The following PID1 variants were observed in gnomAD, a reference collection of about 807,000 sequenced individuals.
The protein encoded by PID1 is phosphotyrosine interaction domain containing 1, also known as PTB-containing, cubilin and LRP1-interacting protein.
A neutral mutation model predicts 19.1 loss-of-function variants in PID1; 10 were observed. That is an observed-to-expected ratio of 0.52 (90% CI 0.32 to 0.89). The LOEUF (loss-of-function observed/expected upper bound fraction) is 0.89. Among genes scored for constraint, PID1 ranks in the 40% least tolerant of loss-of-function variants. The pLI is 0.03. For missense variants in PID1, 248 were observed against 285.3 expected, an observed-to-expected ratio of 0.87 and a Z score of 0.94; for synonymous variants, 130 against 116.0, an observed-to-expected ratio of 1.12 and a Z score of -0.78.
At chr2:229,099,100 T>C (rs1004155425) in intron 2 of PID1, among the ~76,000 whole-genome samples, 1 of 152,130 alleles carries the variant, frequency 6.6e-6, no homozygotes, top group Non-Finnish European at 1.5e-5. Context: ...TCCCAACAAT[T>C]TTTGTGTCTT....
chr2:229,110,374 C>T (rs1695273367), intron 2 of PID1, among the ~76,000 whole-genome samples: 1 of 152,074 alleles, frequency 6.6e-6, no homozygotes, highest in African/African-American at 2.4e-5. Context: ...AGTTCCAAGA[C>T]AAGAGTCCTA....
chr2:229,103,133 T>C (rs1695106900), intron 2 of PID1, among the ~76,000 whole-genome samples: 1 of 152,176 alleles, frequency 6.6e-6, no homozygotes, highest in Non-Finnish European at 1.5e-5. Context: ...ATTTCTATTT[T>C]TTAAAAAGTC....
At chr2:229,146,528 T>TGA (rs1690138383) in intron 2 of PID1, among the ~76,000 whole-genome samples, 1 of 86,768 alleles carries the variant, frequency 1.2e-5, no homozygotes, top group Non-Finnish European at 2.5e-5. Context: ...GAACATTTTG[T>TGA]GTGTGTGTGT....
intron 2 of PID1, among the ~76,000 whole-genome samples, chr2:229,153,481 T>C (rs1690300602): frequency 6.6e-6 from 1 of 152,196 alleles, no homozygotes; most frequent in Non-Finnish European, 1.5e-5. Context: ...AAGTTCTTCC[T>C]GGTGTCCAAA....
At chr2:229,046,351 T>A (rs1208854751) in intron 2 of PID1, among the ~76,000 whole-genome samples, 2 of 143,352 alleles carry the variant, frequency 1.4e-5, no homozygotes, top group African/African-American at 2.7e-5. Context: ...TAGGAAAGTG[T>A]GTGTGTGTGT....
At position 229,191,376 on chromosome 2, in the gene PID1, T is replaced by C. The variant is rs371829738; in HGVS notation, c.31-35412A>G. Among the ~76,000 whole-genome samples the C allele has an allele frequency of 2.0e-5, 3 of 152,058 alleles. No homozygotes were observed. The East Asian group carries it at 5.8e-4, about 29-fold the overall frequency. On this transcript the variant is annotated intron_variant, in intron 1 of 2. Transcript: ENST00000392055. The stretch of plus-strand genomic sequence containing the variant: ...GGAGCTTCTAAGGATGCCAACACCC[T>C]CTCTCAAGAGAAAGGAATGAAATGC...
chr2:229,231,384 C>T (rs1574742769), intron 1 of PID1, among the ~76,000 whole-genome samples: 4 of 152,210 alleles, frequency 2.6e-5, no homozygotes, highest in African/African-American at 7.2e-5. Context: ...ATTGCCCCAT[C>T]CCCTTTGAAG....
chr2:229,065,729 A>AAAAAAAAG (rs765746020), intron 2 of PID1, among the ~76,000 whole-genome samples: 104 of 140,606 alleles, frequency 7.4e-4, no homozygotes, highest in East Asian at 1.5e-3. Flanking sequence ...AAAAAAAAAA[A>AAAAAAAAG]AAACAGGTTG....
intron 2 of PID1, among the ~76,000 whole-genome samples, chr2:229,137,157 AAAAT>A (rs749084321): frequency 2.0e-5 from 3 of 152,240 alleles, no homozygotes; most frequent in Non-Finnish European, 2.9e-5. Flanking sequence ...AGTTTCAAGT[AAAAT>A]AAACCGCATT....
intron 1 of PID1, among the ~76,000 whole-genome samples, chr2:229,249,532 A>G (rs1287927205): frequency 2.0e-5 from 3 of 152,194 alleles, no homozygotes; most frequent in African/African-American, 4.8e-5. Flanking sequence ...TCCATGTGCA[A>G]TGGGGCACAC....
chr2:229,129,592 A>G (rs1444834695), intron 2 of PID1, among the ~76,000 whole-genome samples: 1 of 152,180 alleles, frequency 6.6e-6, no homozygotes, highest in East Asian at 1.9e-4. Flanking sequence ...GGATAACTAT[A>G]TTAAACTGAA....
chr2:229,147,141 G>C (rs1690152214), intron 2 of PID1, among the ~76,000 whole-genome samples: 1 of 152,080 alleles, frequency 6.6e-6, no homozygotes, highest in African/African-American at 2.4e-5. Context: ...TCTGACACCA[G>C]ACAAATCACA....
intron 1 of PID1, among the ~76,000 whole-genome samples, chr2:229,210,095 T>C (rs2106248310): frequency 6.7e-6 from 1 of 150,224 alleles, no homozygotes; most frequent in East Asian, 2.0e-4. Flanking sequence ...TCTCTTGACA[T>C]GACCTCTGAG....
At chr2:229,181,963 A>G (rs1463903034) in intron 1 of PID1, among the ~76,000 whole-genome samples, 1 of 152,250 alleles carries the variant, frequency 6.6e-6, no homozygotes, top group Non-Finnish European at 1.5e-5. Flanking sequence ...TGAGAAGGCC[A>G]CATACTGTAT....
intron 2 of PID1, among the ~76,000 whole-genome samples, chr2:229,113,509 C>CAT (rs3067619): frequency 0.31 from 43,078 of 137,882 alleles, 6,837 homozygotes; most frequent in Admixed American, 0.42. Flanking sequence ...TGTGTGTATA[C>CAT]ATATATATAT....
intron 1 of PID1, among the ~76,000 whole-genome samples, chr2:229,219,956 G>A (rs1326667182): frequency 6.6e-6 from 1 of 152,062 alleles, no homozygotes; most frequent in Admixed American, 6.6e-5. Flanking sequence ...GGAACACTGA[G>A]CTAAGCACTG....
chr2:229,028,091 G>A (rs1316988834), intron 2 of PID1, among the ~76,000 whole-genome samples: 1 of 152,100 alleles, frequency 6.6e-6, no homozygotes, highest in African/African-American at 2.4e-5. Flanking sequence ...GGAGGCAGAG[G>A]GAATAATATT....
At chr2:229,213,184 T>C (rs1691775441) in intron 1 of PID1, among the ~76,000 whole-genome samples, 2 of 152,108 alleles carry the variant, frequency 1.3e-5, no homozygotes, top group South Asian at 2.1e-4. Context: ...TAAGCCTCCA[T>C]TTGTCACTGG....
intron 2 of PID1, among the ~76,000 whole-genome samples, chr2:229,049,250 G>T (rs923314944): frequency 4.0e-5 from 6 of 151,716 alleles, no homozygotes; most frequent in African/African-American, 9.7e-5. Context: ...GTTATTTTTT[G>T]ATTGCTAGTA....
Sources: gnomAD v4.1 joint callset for allele counts (sites outside exome capture counted in the v4.1 genomes callset) on GRCh38, gnomAD v4.1.1 for gene constraint, MANE v1.5 for transcripts, NCBI Gene and HGNC (gene_info 2026-07-23, HGNC 2026-07-21) for gene names.